The following RTN1 variants were observed in gnomAD, a reference collection of about 807,000 sequenced individuals.
RTN1 encodes the protein reticulon-1.
Under a neutral mutation model 65.5 loss-of-function variants are expected in RTN1, and 25 were observed. That is an observed-to-expected ratio of 0.38 (90% CI 0.28 to 0.53). The LOEUF (loss-of-function observed/expected upper bound fraction) is 0.53, where lower values mean the gene tolerates loss of function less well. Ranked by LOEUF, RTN1 falls within the 20% of genes least tolerant of loss-of-function variation. The pLI, the probability that RTN1 is intolerant of heterozygous loss-of-function variation, is 0.79. For synonymous variants in RTN1, 471 were observed against 447.6 expected (o/e 1.05, Z -0.66); for missense variants, 983 against 1,025.4 (o/e 0.96, Z 0.57).
chr14:59,865,142 T>C (rs1357561263), intron 1 of RTN1, among the ~76,000 whole-genome samples: 1 of 152,166 alleles, frequency 6.6e-6, no homozygotes, highest in Non-Finnish European at 1.5e-5. Flanking sequence ...AACAATATAT[T>C]CATTCTTTTC....
At chr14:59,707,172 T>A (rs558405629) in intron 3 of RTN1, among the ~76,000 whole-genome samples, 10 of 152,368 alleles carry the variant, frequency 6.6e-5, no homozygotes, top group Non-Finnish European at 1.3e-4. Flanking sequence ...AGAGCAGATT[T>A]GTTTTTCATC....
At chr14:59,830,027 C>T (rs957455113) in intron 1 of RTN1, among the ~76,000 whole-genome samples, 1 of 152,130 alleles carries the variant, frequency 6.6e-6, no homozygotes, top group African/African-American at 2.4e-5. Flanking sequence ...CTTGTAACGA[C>T]AAGGTATACT....
At chr14:59,858,123 A>G (rs1218098684) in intron 1 of RTN1, among the ~76,000 whole-genome samples, 1 of 152,176 alleles carries the variant, frequency 6.6e-6, no homozygotes, top group Non-Finnish European at 1.5e-5. Flanking sequence ...TCCCAACTGG[A>G]TGGTAATACG....
At chr14:59,730,779 C>T (rs889942947) in intron 2 of RTN1, among the ~76,000 whole-genome samples, 17 of 152,074 alleles carry the variant, frequency 1.1e-4, no homozygotes, top group South Asian at 2.1e-4. Context: ...CAGAGAAATG[C>T]GAATCAAAAC....
At chr14:59,804,285 C>G (rs1298117600) in intron 1 of RTN1, among the ~76,000 whole-genome samples, 2 of 151,950 alleles carry the variant, frequency 1.3e-5, no homozygotes, top group Admixed American at 6.6e-5. Context: ...TTTTCCTCAT[C>G]ATTAGACTGG....
Position 59,843,086 on chromosome 14 carries a change from CCAA to C in RTN1, c.241+27301_241+27303del, listed in dbSNP as rs536323742. ...GCTTTAAAAAAGTCCCAAATATCCACCAACAAGTGAAGGGATAAACAAATTATG... is the reference window on the plus strand; with the variant it reads ...GCTTTAAAAAAGTCCCAAATATCCACCAAGTGAAGGGATAAACAAATTATG... On this transcript the variant is annotated intron_variant, in intron 1 of 8. Coordinates refer to ENST00000267484, the MANE Select transcript of RTN1 (RefSeq NM_021136.3). 2.0e-3 allele frequency among the ~76,000 whole-genome samples: 303 copies of C among 152,294 alleles called. 2 individuals carry two copies. The highest frequency in any genetic ancestry group is 0.014 in the Admixed American group (217 of 15,292).
intron 3 of RTN1, among the ~76,000 whole-genome samples, chr14:59,679,315 C>A (rs1566682739): frequency 6.6e-6 from 1 of 152,156 alleles, no homozygotes; most frequent in Non-Finnish European, 1.5e-5. Flanking sequence ...ACAAACAGAG[C>A]CACCAATGAT....
At chr14:59,608,215 G>C (rs1449367512) in intron 3 of RTN1, among the ~76,000 whole-genome samples, 1 of 152,142 alleles carries the variant, frequency 6.6e-6, no homozygotes, top group East Asian at 1.9e-4. Flanking sequence ...CTCCAACTGG[G>C]TATGTGACAA....
chr14:59,665,245 G>A lies in RTN1; in HGVS notation c.1766-57753C>T, dbSNP rs538279728. 2.6e-4 allele frequency among the ~76,000 whole-genome samples: 40 copies of A among 152,180 alleles called. 1 individual carries two copies. The South Asian group carries it at 6.2e-3, about 24-fold the overall frequency. The stretch of plus-strand genomic sequence containing the variant: ...CCAGCAGACTAACAGCGGATCTCTC[G>A]GCAGAAACTCTACAAGCCAAAAGAC... On this transcript the variant is annotated intron_variant, in intron 3 of 8. Coordinates refer to ENST00000267484, the MANE Select transcript of RTN1 (RefSeq NM_021136.3).
At chr14:59,694,022 C>T (rs189848000) in intron 3 of RTN1, among the ~76,000 whole-genome samples, 1 of 152,286 alleles carries the variant, frequency 6.6e-6, no homozygotes, top group Non-Finnish European at 1.5e-5. Context: ...TCACCTCAAC[C>T]TCAATTTGGT....
intron 3 of RTN1, among the ~76,000 whole-genome samples, chr14:59,665,451 TG>T: frequency 6.6e-6 from 1 of 152,162 alleles, no homozygotes; most frequent in East Asian, 1.9e-4. Context: ...GCATTAAACA[TG>T]GAAAGAAACA....
intron 1 of RTN1, among the ~76,000 whole-genome samples, chr14:59,834,717 G>A (rs956002802): frequency 6.6e-6 from 1 of 152,132 alleles, no homozygotes; most frequent in Non-Finnish European, 1.5e-5. Flanking sequence ...AAGATATACA[G>A]CATTTGTTGC....
intron 3 of RTN1, chr14:59,630,695 G>C (rs1392572136): frequency 2.6e-6 from 3 of 1,161,396 alleles, no homozygotes; most frequent in African/African-American, 3.2e-5. Context: ...GGCCGGCAGC[G>C]AATCAGCGCG....
At chr14:59,610,122 C>A (rs762586046) in intron 3 of RTN1, 1 of 777,428 alleles carries the variant, frequency 1.3e-6, no homozygotes, top group Admixed American at 1.7e-5. Context: ...TGCTTTATAC[C>A]TGGTAGAAAT....
chr14:59,770,638 A>C (rs971094985), intron 1 of RTN1, among the ~76,000 whole-genome samples: 3 of 152,176 alleles, frequency 2.0e-5, no homozygotes, highest in African/African-American at 7.2e-5. Context: ...CAAAACCCAG[A>C]AATTCATTGG....
Position 59,821,699 on chromosome 14 carries a change from G to T in RTN1, c.241+48691C>A, listed in dbSNP as rs114258250. Among the ~76,000 whole-genome samples, 1,289 of 152,208 alleles carry T rather than the reference G, an allele frequency of 8.5e-3. 12 individuals carry two copies. The highest frequency in any genetic ancestry group is 0.029 in the African/African-American group (1,225 of 41,542). On this transcript the variant is annotated intron_variant, in intron 1 of 8. Transcript: ENST00000267484. ...TTGAGGTATGATCTTTCGATGCCCA[G>T]TTTGTTGAGGGTTTTTAACATGAAG...
At chr14:59,599,149 A>T (rs1208327636) in intron 8 of RTN1, among the ~76,000 whole-genome samples, 1 of 152,218 alleles carries the variant, frequency 6.6e-6, no homozygotes, top group Non-Finnish European at 1.5e-5. Context: ...CAAGCAATTA[A>T]AACCCCCGAG....
At chr14:59,680,657 G>A (rs984895439) in intron 3 of RTN1, among the ~76,000 whole-genome samples, 1 of 152,128 alleles carries the variant, frequency 6.6e-6, no homozygotes, top group Non-Finnish European at 1.5e-5. Context: ...GCCTTAAAAT[G>A]TTCATATGTT....
intron 3 of RTN1, among the ~76,000 whole-genome samples, chr14:59,649,570 C>A (rs190283516): frequency 8.5e-4 from 128 of 151,424 alleles, no homozygotes; most frequent in African/African-American, 2.7e-3. Context: ...TAAAAAAAAA[C>A]CATCAAAAAG....
Sources: allele counts gnomAD v4.1 joint callset (sites outside exome capture counted in the v4.1 genomes callset), GRCh38; gene constraint gnomAD v4.1.1; transcripts MANE v1.5; gene names NCBI Gene and HGNC (gene_info 2026-07-23, HGNC 2026-07-21).